The following ATP1A1 variants were observed in gnomAD, a reference collection of about 807,000 sequenced individuals.
ATP1A1 encodes the protein ATPase Na+/K+ transporting subunit alpha 1.
In ATP1A1, 14 loss-of-function variants were observed where a neutral mutation model predicts 114.8. That is an observed-to-expected ratio of 0.12 (90% CI 0.08 to 0.19). The LOEUF (loss-of-function observed/expected upper bound fraction) is 0.19, where lower values mean the gene tolerates loss of function less well. Ranked by LOEUF, ATP1A1 falls within the 10% of genes least tolerant of loss-of-function variation. The pLI, the probability that ATP1A1 is intolerant of heterozygous loss-of-function variation, is 1.00. For missense variants in ATP1A1, 524 were observed against 1,290.7 expected (o/e 0.41, Z 9.10); for synonymous variants, 471 against 466.3 (o/e 1.01, Z -0.13).
Position 116,401,498 on chromosome 1 carries a change from G to A in ATP1A1, c.2850-56G>A. On this transcript the variant is annotated intron_variant, in intron 20 of 22. Transcript: ENST00000295598. The surrounding 1 kb of genome is among the most constrained non-coding windows in gnomAD (Gnocchi z 4.7). Reference sequence around the variant, plus strand: ...TCTGCCATTTTAATGCATAGCATTAGAAGATAAACCTTTATTTGCACCTTT... The same window carrying A: ...TCTGCCATTTTAATGCATAGCATTAAAAGATAAACCTTTATTTGCACCTTT... The A allele has an allele frequency of 6.4e-7, 1 of 1,555,120 alleles. No individual in the cohort carries two copies. Among genetic ancestry groups the A allele is most frequent in the Non-Finnish European group, 8.9e-7 (1 of 1,127,376 alleles).
At position 116,388,297 on chromosome 1, in the gene ATP1A1, T is replaced by A. The variant is rs1652229196; in HGVS notation, c.501+53T>A. On this transcript the variant is annotated intron_variant, in intron 5 of 22. Coordinates refer to ENST00000295598, the MANE Select transcript of ATP1A1 (RefSeq NM_000701.8). The surrounding 1 kb of genome is among the most constrained non-coding windows in gnomAD (Gnocchi z 5.6). ...GGATGACTTGACAGCCCCAAGCATGTCAGCCTGTGAATTAGTGTGAAGTTA... is the reference window on the plus strand; with the variant it reads ...GGATGACTTGACAGCCCCAAGCATGACAGCCTGTGAATTAGTGTGAAGTTA... The A allele has an allele frequency of 1.4e-6, 2 of 1,393,848 alleles. No homozygotes were observed. The highest frequency in any genetic ancestry group is 2.8e-5 in the African/African-American group (2 of 70,270). The allele number at this position is 1,393,848 out of a possible 1,614,324, so 86.3% of individuals were successfully genotyped here. A position where few individuals can be genotyped will look rare whatever the true frequency, so the allele number is the denominator to read the frequency against.
At chr1:116,379,990 CT>C (rs1366014930) in intron 1 of ATP1A1, among the ~76,000 whole-genome samples, 1 of 152,208 alleles carries the variant, frequency 6.6e-6, no homozygotes, top group African/African-American at 2.4e-5. Flanking sequence ...ATTTGGGGCA[CT>C]TCCTTTTGCC....
At position 116,395,440 on chromosome 1, in the gene ATP1A1, C is replaced by A. The variant is rs2101055335; in HGVS notation, c.1836+155C>A. ...AAGCTTTACTTCCACCCAGAAAAGA[C>A]CAGATAGTATTAAAATATGATGGTG... On this transcript the variant is annotated intron_variant, in intron 13 of 22. Coordinates refer to ENST00000295598, the MANE Select transcript of ATP1A1 (RefSeq NM_000701.8). The surrounding 1 kb of genome is among the most constrained non-coding windows in gnomAD (Gnocchi z 6.4). Among the ~76,000 whole-genome samples the A allele has an allele frequency of 6.6e-6, 1 of 152,048 alleles. No individual in the cohort carries two copies. Among genetic ancestry groups the A allele is most frequent in the South Asian group, 2.1e-4 (1 of 4,804 alleles).
Position 116,395,954 on chromosome 1 carries a change from C to T in ATP1A1, c.1837-644C>T, listed in dbSNP as rs12081911. On this transcript the variant is annotated intron_variant, in intron 13 of 22. Transcript: ENST00000295598. This position sits in a 1 kb window ranked among gnomAD's most constrained non-coding sequence, Gnocchi z 6.4. ...TTTAAGTAAAGATAGGGTTTCGCCACGTTGGCCAGGCTGGTCTCAAACTCC... is the reference window on the plus strand; with the variant it reads ...TTTAAGTAAAGATAGGGTTTCGCCATGTTGGCCAGGCTGGTCTCAAACTCC... 0.25 allele frequency among the ~76,000 whole-genome samples: 37,969 copies of T among 151,986 alleles called. 13,284 individuals are homozygous for T. Among genetic ancestry groups the T allele is most frequent in the African/African-American group, 0.79 (32,597 of 41,398 alleles).
At chr1:116,373,972 C>A (rs1651176902) in intron 1 of ATP1A1, 4 of 1,378,786 alleles carry the variant, frequency 2.9e-6, no homozygotes, top group Non-Finnish European at 3.7e-6. Flanking sequence ...GCCCTCCGTG[C>A]CCTGAGGAAA....
At chr1:116,377,486 G>A (rs1007533085) in intron 1 of ATP1A1, among the ~76,000 whole-genome samples, 8 of 152,368 alleles carry the variant, frequency 5.3e-5, no homozygotes, top group African/African-American at 1.9e-4. Context: ...GGAAAGTCAA[G>A]TAGAGGTGTC....
rs1651991497 is a variant in ATP1A1, at chr1:116,385,009, C to T, written c.183+167C>T. 1.2e-5 allele frequency: 8 copies of T among 643,990 alleles called. No homozygotes were observed. The highest frequency in any genetic ancestry group is 2.5e-4 in the Middle Eastern group (1 of 4,024). 39.9% of individuals were successfully genotyped at this position (643,990 alleles called of 1,614,324 possible). The stretch of plus-strand genomic sequence containing the variant: ...CAGAATTTGGGCATTTATATGCTAC[C>T]GTTTCTTTTCCCTGAAACTTTTTGA... On this transcript the variant is annotated intron_variant, in intron 3 of 22. Transcript: ENST00000295598. This position sits in a 1 kb window ranked among gnomAD's most constrained non-coding sequence, Gnocchi z 4.3.
chr1:116,396,231 T>C (rs1052436810), intron 13 of ATP1A1, among the ~76,000 whole-genome samples: 1 of 151,818 alleles, frequency 6.6e-6, no homozygotes, highest in Non-Finnish European at 1.5e-5. Context: ...TGCTAGCCAG[T>C]AGCATGTGGT....
intron 1 of ATP1A1, among the ~76,000 whole-genome samples, chr1:116,378,666 CAT>C (rs1651532024): frequency 6.6e-6 from 1 of 152,178 alleles, no homozygotes; most frequent in Non-Finnish European, 1.5e-5. Context: ...TATTTCAATT[CAT>C]GTGACATTTC....
At chr1:116,374,261 C>A in intron 1 of ATP1A1, 1 of 1,551,708 alleles carries the variant, frequency 6.4e-7, no homozygotes, top group South Asian at 1.2e-5. Context: ...TGAGGGCTTT[C>A]TTGGGCCACT....
chr1:116,398,176 C>T lies in ATP1A1; in HGVS notation c.2124+138C>T, dbSNP rs1653097909. ...TCAGTATAAATAGGCCAGTAGGAAG[C>T]TCATAGGCATAGAGAGGGTGACTTG... is the stretch of plus-strand genomic sequence containing the variant. On this transcript the variant is annotated intron_variant, in intron 15 of 22. Transcript: ENST00000295598. This position sits in a 1 kb window ranked among gnomAD's most constrained non-coding sequence, Gnocchi z 6.1. 2 of 1,239,610 alleles carry T rather than the reference C, an allele frequency of 1.6e-6. No individual in the cohort carries two copies. Among genetic ancestry groups the T allele is most frequent in the Non-Finnish European group, 2.2e-6 (2 of 909,500 alleles). 76.8% of individuals were successfully genotyped at this position (1,239,610 alleles called of 1,614,324 possible).
At chr1:116,378,759 A>C (rs1374200908) in intron 1 of ATP1A1, among the ~76,000 whole-genome samples, 1 of 152,196 alleles carries the variant, frequency 6.6e-6, no homozygotes, top group Non-Finnish European at 1.5e-5. Flanking sequence ...GTACTAATTG[A>C]GGAGTGATCA....
chr1:116,384,920 T>C lies in ATP1A1; in HGVS notation c.183+78T>C, dbSNP rs1369704582. On this transcript the variant is annotated intron_variant, in intron 3 of 22. Coordinates refer to ENST00000295598, the MANE Select transcript of ATP1A1 (RefSeq NM_000701.8). The surrounding 1 kb of genome is among the most constrained non-coding windows in gnomAD (Gnocchi z 5.1). ...TTTTCCCCTGTATTACATACAGGTC[T>C]AACCTCAGGGGCTCTAGTAAGAAAA... The C allele has an allele frequency of 7.3e-7, 1 of 1,371,654 alleles. No homozygotes were observed. The highest frequency in any genetic ancestry group is 1.0e-6 in the Non-Finnish European group (1 of 962,824). The allele number at this position is 1,371,654 out of a possible 1,614,324, so 85.0% of individuals were successfully genotyped here.
rs1557782649 is a variant in ATP1A1 at position 116,384,929 on chromosome 1, G to A, written c.183+87G>A. The A allele has an allele frequency of 5.3e-6, 7 of 1,321,196 alleles. No individual in the cohort carries two copies. Among genetic ancestry groups the A allele is most frequent in the Non-Finnish European group, 7.6e-6 (7 of 922,236 alleles). 81.8% of individuals were successfully genotyped at this position (1,321,196 alleles called of 1,614,324 possible). A position where few individuals can be genotyped will look rare whatever the true frequency, so the allele number is the denominator to read the frequency against. On this transcript the variant is annotated intron_variant, in intron 3 of 22. Coordinates refer to ENST00000295598, the MANE Select transcript of ATP1A1 (RefSeq NM_000701.8). The surrounding 1 kb of genome is among the most constrained non-coding windows in gnomAD (Gnocchi z 5.1). Reference sequence around the variant, plus strand: ...GTATTACATACAGGTCTAACCTCAGGGGCTCTAGTAAGAAAATGACAGACA... The same window carrying A: ...GTATTACATACAGGTCTAACCTCAGAGGCTCTAGTAAGAAAATGACAGACA...
Position 116,400,983 on chromosome 1 carries a change from G to C in ATP1A1, c.2695G>C (p.Glu899Gln). Residue 899 changes from glutamate (E) to glutamine (Q), a missense_variant, in exon 19 of 23, where the codon GAA becomes CAA. By Grantham distance (29) the Glu-to-Gln change is conservative. This residue lies in a region of ATP1A1 where 84 missense variants were observed against 209.3 expected (regional missense o/e 0.40). Coordinates refer to ENST00000295598, the MANE Select transcript of ATP1A1 (RefSeq NM_000701.8). ...GGATGACCGCTGGATCAACGATGTG[G>C]AAGACAGCTACGGGCAGCAGTGGGT... ...DWDDRWINDV[E>Q]DSYGQQWTYE... 1 of 1,614,186 alleles carries C rather than the reference G, an allele frequency of 6.2e-7. No homozygotes were observed. The highest frequency in any genetic ancestry group is 8.5e-7 in the Non-Finnish European group (1 of 1,180,028).
chr1:116,399,104 C>T lies in ATP1A1; in HGVS notation c.2448+20C>T, dbSNP rs1435826744. The T allele has an allele frequency of 4.3e-6, 7 of 1,614,068 alleles. No individual in the cohort carries two copies. The highest frequency in any genetic ancestry group is 2.7e-5 in the African/African-American group (2 of 75,028). ...GACATGGTGAGTGTCACAACAGTCA[C>T]AGATCGATAGTAGTGAGGTGTGAGC... On this transcript the variant is annotated intron_variant, in intron 17 of 22. Coordinates refer to ENST00000295598, the MANE Select transcript of ATP1A1 (RefSeq NM_000701.8). The surrounding 1 kb of genome is among the most constrained non-coding windows in gnomAD (Gnocchi z 5.0).
In ATP1A1 at chr1:116,392,865, A is replaced by C. The variant is rs147413662; in HGVS notation, c.1344A>C (p.Ala448=). 4.8e-5 allele frequency: 78 copies of C among 1,611,920 alleles called. No individual in the cohort carries two copies. Among genetic ancestry groups the C allele is most frequent in the Non-Finnish European group, 6.2e-5 (73 of 1,179,206 alleles). ...ENLPILKRAV[A]GDASESALLK... ...GTCTCTGTTCACAGCGGGCAGTTGC[A>C]GGAGATGCCTCTGAGTCAGCACTCT... The change falls in exon 11 of 23, where the codon GCA becomes GCC. Residue 448 remains alanine (A), a synonymous_variant. Coordinates refer to ENST00000295598, the MANE Select transcript of ATP1A1 (RefSeq NM_000701.8).
In ATP1A1 at chr1:116,388,606, T is replaced by A. The variant is rs776896949; in HGVS notation, c.502-32T>A. The A allele has an allele frequency of 5.5e-5, 89 of 1,610,190 alleles. No individual in the cohort carries two copies. Among genetic ancestry groups the A allele is most frequent in the Middle Eastern group, 3.3e-4 (2 of 6,070 alleles). Reference sequence around the variant, plus strand: ...GGACACTACCTTCTCTTTGTTGGTATACTAACGGTGTAAATTGTTTCTTTT... The same window carrying A: ...GGACACTACCTTCTCTTTGTTGGTAAACTAACGGTGTAAATTGTTTCTTTT... On this transcript the variant is annotated intron_variant, in intron 5 of 22. Coordinates refer to ENST00000295598, the MANE Select transcript of ATP1A1 (RefSeq NM_000701.8). This position sits in a 1 kb window ranked among gnomAD's most constrained non-coding sequence, Gnocchi z 5.6.
chr1:116,377,762 G>C (rs1438958184), intron 1 of ATP1A1, among the ~76,000 whole-genome samples: 2 of 152,238 alleles, frequency 1.3e-5, no homozygotes, highest in African/African-American at 4.8e-5. Context: ...CCGAGTGTCA[G>C]ATCAGATGGG....
Sources: allele counts gnomAD v4.1 joint callset (sites outside exome capture counted in the v4.1 genomes callset), GRCh38; gene constraint gnomAD v4.1.1; regional missense constraint gnomAD v4.1.1; non-coding constraint Gnocchi (gnomAD v3.1); transcripts MANE v1.5; gene names NCBI Gene and HGNC (gene_info 2026-07-23, HGNC 2026-07-21).